Variants in WWTR1 observed in about 807,000 individuals in gnomAD.
The protein encoded by WWTR1 is WW domain-containing transcription regulator protein 1.
In WWTR1, 13 loss-of-function variants were observed where a neutral mutation model predicts 40.1. The observed-to-expected ratio is 0.32, with a 90% CI of 0.21 to 0.52. The LOEUF is 0.52. Among genes scored for constraint, WWTR1 ranks in the 20% least tolerant of loss-of-function variants. The probability of loss-of-function intolerance (pLI) is 0.97; values close to 1 mark genes in which losing one functional copy is unlikely to be tolerated. For missense variants in WWTR1, 436 were observed against 523.1 expected (o/e 0.83, Z 1.63); for synonymous variants, 230 against 210.1 (o/e 1.09, Z -0.82).
chr3:149,652,356 G>T (rs1002686141), intron 2 of WWTR1, among the ~76,000 whole-genome samples: 2 of 151,730 alleles, frequency 1.3e-5, no homozygotes, highest in Non-Finnish European at 2.9e-5. Context: ...AGGTGTGGTG[G>T]CTCACACCTG....
At chr3:149,662,682 C>T (rs1462494275), upstream of WWTR1, among the ~76,000 whole-genome samples, 1 of 152,086 alleles carries the variant, frequency 6.6e-6, no homozygotes, top group Non-Finnish European at 1.5e-5. Flanking sequence ...ATGTCATTAC[C>T]CAGCTCAGAA....
At chr3:149,549,615 A>G (rs1399000228) in intron 3 of WWTR1, among the ~76,000 whole-genome samples, 2 of 152,174 alleles carry the variant, frequency 1.3e-5, no homozygotes, top group Admixed American at 1.3e-4. Context: ...AGGCAGGAGA[A>G]TCACTGGAAG....
chr3:149,630,782 C>T (rs1200298293), intron 2 of WWTR1, among the ~76,000 whole-genome samples: 1 of 152,170 alleles, frequency 6.6e-6, no homozygotes, highest in Non-Finnish European at 1.5e-5. Context: ...CCAAGAGTAC[C>T]TGCAGTCACG....
At chr3:149,525,732 T>TC (rs1423721135) in intron 6 of WWTR1, 10 of 200,082 alleles carry the variant, frequency 5.0e-5, no homozygotes, top group Non-Finnish European at 6.9e-5. Flanking sequence ...TTTTTTTTTT[T>TC]CAACATTTTT....
chr3:149,677,009 C>A (rs933058659), intron 1 of WWTR1, among the ~76,000 whole-genome samples: 2 of 151,786 alleles, frequency 1.3e-5, no homozygotes, highest in Non-Finnish European at 2.9e-5. Context: ...GTCTGCCTCC[C>A]AGGTTCAAGC....
At chr3:149,618,138 C>T (rs577039151) in intron 2 of WWTR1, among the ~76,000 whole-genome samples, 15 of 152,106 alleles carry the variant, frequency 9.9e-5, no homozygotes, top group Admixed American at 4.6e-4. Context: ...ACAAGAGATT[C>T]CAAAGATAAA....
chr3:149,560,961 C>A (rs548487009), intron 3 of WWTR1, among the ~76,000 whole-genome samples: 10 of 151,756 alleles, frequency 6.6e-5, no homozygotes, highest in African/African-American at 2.4e-4. Flanking sequence ...GTAACACCCC[C>A]CCCCGCAAAA....
At chr3:149,523,690 A>C (rs1204535701) in intron 6 of WWTR1, among the ~76,000 whole-genome samples, 1 of 152,162 alleles carries the variant, frequency 6.6e-6, no homozygotes, top group Non-Finnish European at 1.5e-5. Context: ...TTGCAAATGG[A>C]GTGCTCAGCT....
chr3:149,604,518 G>C (rs1173978049), intron 2 of WWTR1, among the ~76,000 whole-genome samples: 1 of 152,196 alleles, frequency 6.6e-6, no homozygotes, highest in East Asian at 1.9e-4. Context: ...AAGGAAGGAG[G>C]TCAAAGAAAG....
At chr3:149,675,869 C>T (rs1047851276) in intron 1 of WWTR1, among the ~76,000 whole-genome samples, 1 of 152,152 alleles carries the variant, frequency 6.6e-6, no homozygotes, top group African/African-American at 2.4e-5. Context: ...AGGCGTCCAC[C>T]ACCATGCCCA....
At chr3:149,678,822 AT>A (rs57101843) in intron 1 of WWTR1, among the ~76,000 whole-genome samples, 43,589 of 135,388 alleles carry the variant, frequency 0.32, 7,134 homozygotes, top group Middle Eastern at 0.51. Context: ...GTTCACAAGT[AT>A]TTTTTTTTTT....
At chr3:149,584,621 G>GA (rs1738324720) in intron 2 of WWTR1, among the ~76,000 whole-genome samples, 1 of 152,148 alleles carries the variant, frequency 6.6e-6, no homozygotes, top group Admixed American at 6.5e-5. Context: ...TGGGGACCTT[G>GA]AAAATAATTA....
At chr3:149,597,965 T>C (rs1739076598) in intron 2 of WWTR1, among the ~76,000 whole-genome samples, 1 of 152,244 alleles carries the variant, frequency 6.6e-6, no homozygotes, top group Non-Finnish European at 1.5e-5. Context: ...AATGGGATTG[T>C]AGTTAAAGAT....
intron 4 of WWTR1, among the ~76,000 whole-genome samples, chr3:149,535,770 T>G (rs1485250924): frequency 6.6e-6 from 1 of 150,482 alleles, no homozygotes; most frequent in African/African-American, 2.4e-5. Flanking sequence ...CCCAGCACTT[T>G]GGGAGGCCAG....
chr3:149,669,704 A>G (rs144368769), intron 2 of WWTR1: 1 of 152,274 alleles, frequency 6.6e-6, no homozygotes, highest in East Asian at 1.9e-4. Context: ...CAACAATGAT[A>G]TCTATATTTA....
At chr3:149,562,617 A>G (rs1737136070) in intron 3 of WWTR1, among the ~76,000 whole-genome samples, 1 of 149,432 alleles carries the variant, frequency 6.7e-6, no homozygotes. Flanking sequence ...ACACACACAC[A>G]CACACACACA....
intron 2 of WWTR1, among the ~76,000 whole-genome samples, chr3:149,610,517 C>T (rs1430817616): frequency 6.6e-6 from 1 of 152,156 alleles, no homozygotes; most frequent in Non-Finnish European, 1.5e-5. Flanking sequence ...TAGTTCAACA[C>T]GGGTAAACAG....
chr3:149,599,523 T>C (rs963960218), intron 2 of WWTR1, among the ~76,000 whole-genome samples: 1 of 152,232 alleles, frequency 6.6e-6, no homozygotes, highest in African/African-American at 2.4e-5. Flanking sequence ...AAAGAAACAG[T>C]GTATAGCTGT....
intron 2 of WWTR1, among the ~76,000 whole-genome samples, chr3:149,582,737 A>G (rs1165431018): frequency 6.6e-6 from 1 of 152,148 alleles, no homozygotes; most frequent in South Asian, 2.1e-4. Flanking sequence ...CTCAAAAATA[A>G]TAATAAAATA....
Sources: allele counts gnomAD v4.1 joint callset (sites outside exome capture counted in the v4.1 genomes callset), GRCh38; gene constraint gnomAD v4.1.1; transcripts MANE v1.5; gene names NCBI Gene and HGNC (gene_info 2026-07-23, HGNC 2026-07-21).